Variants in SCAF4 observed in about 807,000 individuals in gnomAD.
SCAF4 encodes SR-related and CTD-associated factor 4.
A neutral mutation model predicts 129.8 loss-of-function variants in SCAF4; 25 were observed. That is an observed-to-expected ratio of 0.19 (90% CI 0.14 to 0.27). The LOEUF is 0.27. Among genes scored for constraint, SCAF4 ranks in the 10% least tolerant of loss-of-function variants. SCAF4 has a pLI of 1.00. For missense variants in SCAF4, 1,246 were observed against 1,457.1 expected (o/e 0.86, Z 2.36); for synonymous variants, 551 against 497.7 (o/e 1.11, Z -1.43).
intron 1 of SCAF4, among the ~76,000 whole-genome samples, chr21:31,726,808 T>C (rs907150729): frequency 6.6e-6 from 1 of 152,192 alleles, no homozygotes; most frequent in Non-Finnish European, 1.5e-5. Context: ...ATAGACAGTA[T>C]TAATATTTGA....
intron 1 of SCAF4, among the ~76,000 whole-genome samples, chr21:31,717,559 G>C (rs1904305215): frequency 9.2e-5 from 14 of 151,958 alleles, no homozygotes; most frequent in Admixed American, 9.2e-4. Flanking sequence ...ATATAACTAA[G>C]TGATAAAGAA....
intron 16 of SCAF4, 151 bp from the exon 17 acceptor site, chr21:31,685,884 C>T (rs1028649796): frequency 1.1e-5 from 8 of 727,300 alleles, no homozygotes; most frequent in African/African-American, 3.6e-5. Flanking sequence ...TGGTAGTTAA[C>T]TTCTATTCAT....
At chr21:31,682,888 C>G (rs915981243) in intron 19 of SCAF4, among the ~76,000 whole-genome samples, 1 of 152,150 alleles carries the variant, frequency 6.6e-6, no homozygotes, top group Non-Finnish European at 1.5e-5. Flanking sequence ...CTTAGATGAA[C>G]CCTTCTTAAC....
chr21:31,691,099 T>C, intron 14 of SCAF4, 146 bp from the exon 15 acceptor site: 1 of 575,354 alleles, frequency 1.7e-6, no homozygotes. Flanking sequence ...ATTCAAAGCC[T>C]TATTCTCACT....
In SCAF4 at chr21:31,671,960, CTGCTGTGGT is replaced by C; in HGVS notation, c.2874_2882del (p.Pro959_Gln961del). Reference sequence around the variant, plus strand: ...ATGGTGGTGGCTGCTGCTGCTGCTGCTGCTGTGGTTGCTGGGGCGCCTGCGGCTGTGGCT... The same window carrying C: ...ATGGTGGTGGCTGCTGCTGCTGCTGCTGCTGGGGCGCCTGCGGCTGTGGCT... On this transcript the variant is annotated inframe_deletion, in exon 20 of 20. Coordinates refer to ENST00000286835, the MANE Select transcript of SCAF4 (RefSeq NM_020706.2). The C allele has an allele frequency of 6.2e-7, 1 of 1,609,002 alleles. No homozygotes were observed. The highest frequency in any genetic ancestry group is 8.5e-7 in the Non-Finnish European group (1 of 1,175,666).
At chr21:31,706,454 A>C (rs2050664829) in intron 1 of SCAF4, 97 bp from the exon 2 acceptor site, 1 of 808,258 alleles carries the variant, frequency 1.2e-6, no homozygotes, top group African/African-American at 1.7e-5. Flanking sequence ...TGGAAAATAC[A>C]AACGGGGCCG....
chr21:31,716,938 A>G (rs1315540034), intron 1 of SCAF4, among the ~76,000 whole-genome samples: 2 of 152,180 alleles, frequency 1.3e-5, no homozygotes, highest in Non-Finnish European at 2.9e-5. Flanking sequence ...TAAGAGGTAC[A>G]ATGAAACTGA....
intron 1 of SCAF4, among the ~76,000 whole-genome samples, chr21:31,708,142 C>T (rs1223467093): frequency 6.6e-6 from 1 of 151,826 alleles, no homozygotes; most frequent in Non-Finnish European, 1.5e-5. Flanking sequence ...AATCCCAGCA[C>T]TTTGGGAGGC....
chr21:31,715,109 A>G (rs1051674517), intron 1 of SCAF4, among the ~76,000 whole-genome samples: 1 of 152,186 alleles, frequency 6.6e-6, no homozygotes, highest in African/African-American at 2.4e-5. Context: ...GAATCTCACT[A>G]GCATCAGCAA....
At chr21:31,687,514 C>G (rs1454371250) in intron 16 of SCAF4, among the ~76,000 whole-genome samples, 2 of 152,094 alleles carry the variant, frequency 1.3e-5, no homozygotes. Context: ...TTTCAAGTAA[C>G]AGGTTGGCTG....
intron 1 of SCAF4, among the ~76,000 whole-genome samples, chr21:31,717,836 TATATATACACAC>T (rs1158184871): frequency 2.1e-5 from 2 of 93,722 alleles, no homozygotes; most frequent in Non-Finnish European, 4.4e-5. Context: ...CATATATATA[TATATATACACAC>T]ACACACACAC....
At chr21:31,702,741 T>C (rs991815980) in intron 4 of SCAF4, among the ~76,000 whole-genome samples, 19 of 152,330 alleles carry the variant, frequency 1.2e-4, no homozygotes, top group African/African-American at 4.3e-4. Flanking sequence ...TTATAACAGC[T>C]AAAATATTTA....
intron 1 of SCAF4, among the ~76,000 whole-genome samples, chr21:31,712,527 CTTT>C (rs567950595): frequency 0.035 from 4,279 of 123,926 alleles, 95 homozygotes; most frequent in Non-Finnish European, 0.05. Flanking sequence ...CTGATTCTCC[CTTT>C]TTTTTTTTTT....
At chr21:31,723,625 T>TGCGC (rs1369080371) in intron 1 of SCAF4, among the ~76,000 whole-genome samples, 4 of 142,070 alleles carry the variant, frequency 2.8e-5, no homozygotes, top group South Asian at 2.3e-4. Context: ...TGTGTGTGTG[T>TGCGC]GTGTGCGCGC....
chr21:31,688,166 A>G, intron 16 of SCAF4, 141 bp downstream of exon 16: 1 of 454,360 alleles, frequency 2.2e-6, no homozygotes, highest in South Asian at 8.8e-5. Context: ...TAAAATTTAA[A>G]TCTGATAAAA....
At chr21:31,684,836 T>C in intron 19 of SCAF4, 6 of 556,112 alleles carry the variant, frequency 1.1e-5, no homozygotes, top group Non-Finnish European at 1.9e-5. Flanking sequence ...TTTGAGATTC[T>C]CTCTTGGTAA....
At chr21:31,721,636 T>A (rs2051068842) in intron 1 of SCAF4, among the ~76,000 whole-genome samples, 1 of 151,928 alleles carries the variant, frequency 6.6e-6, no homozygotes. Flanking sequence ...TCCACCCAGG[T>A]GCAGGCAGTA....
chr21:31,695,541 ATT>A (rs1398684137), intron 9 of SCAF4, among the ~76,000 whole-genome samples: 2 of 152,214 alleles, frequency 1.3e-5, no homozygotes, highest in African/African-American at 4.8e-5. Flanking sequence ...TGCTTTAAGT[ATT>A]CTTTCTAAAT....
rs1244298982 is a variant in SCAF4 at position 31,701,026 on chromosome 21, G to A, written c.746C>T (p.Pro249Leu). The part of the protein sequence containing the change: ...TQPSEQKAAF[P>L]PPEQKTAFDK... The stretch of plus-strand genomic sequence containing the variant: ...AAATGCAGTTTTCTGTTCAGGTGGG[G>A]GGAAAGCAGCTTTTTGTTCAGATGG... Residue 249 changes from proline to leucine, a missense_variant, in exon 7 of 20, where the codon CCC (proline) becomes CTC (leucine). Coordinates refer to ENST00000286835, the MANE Select transcript of SCAF4 (RefSeq NM_020706.2). The A allele has an allele frequency of 6.2e-7, 1 of 1,614,080 alleles. No individual in the cohort carries two copies. Among genetic ancestry groups the A allele is most frequent in the Non-Finnish European group, 8.5e-7 (1 of 1,180,006 alleles).
Sources: gnomAD v4.1 joint callset for allele counts (sites outside exome capture counted in the v4.1 genomes callset) on GRCh38, gnomAD v4.1.1 for gene constraint, MANE v1.5 for transcripts, NCBI Gene and HGNC (gene_info 2026-07-23, HGNC 2026-07-21) for gene names.